Variants in PATJ observed in about 807,000 individuals in gnomAD.
The protein encoded by PATJ is PATJ crumbs cell polarity complex component, also known as inaD-like protein.
A neutral mutation model predicts 224.9 loss-of-function variants in PATJ; 190 were observed. That is an observed-to-expected ratio of 0.84 (90% CI 0.75 to 0.95). PATJ has a LOEUF of 0.95. PATJ is among the 40% of genes least tolerant of loss of function. PATJ has a pLI of 0.00. For missense variants in PATJ, 2,121 were observed against 2,270.3 expected, an observed-to-expected ratio of 0.93 and a Z score of 1.34; for synonymous variants, 769 against 820.3, an observed-to-expected ratio of 0.94 and a Z score of 1.07.
chr1:61,859,333 C>T (rs550760312), intron 18 of PATJ, among the ~76,000 whole-genome samples: 1 of 152,214 alleles, frequency 6.6e-6, no homozygotes, highest in African/African-American at 2.4e-5. Context: ...CCCAGGCCTC[C>T]CTCAGTGAGT....
intron 17 of PATJ, 21 bp from the exon 18 acceptor site, chr1:61,856,006 CCTT>C (rs774182541): frequency 9.5e-6 from 15 of 1,579,478 alleles, no homozygotes; most frequent in African/African-American, 1.3e-5. Context: ...ATGGACTCAT[CCTT>C]CTTCTTTGCT....
intron 15 of PATJ, among the ~76,000 whole-genome samples, chr1:61,824,073 C>G (rs565844694): frequency 6.6e-6 from 1 of 152,220 alleles, no homozygotes; most frequent in South Asian, 2.1e-4. Context: ...CTTTTTGACC[C>G]AGCTTCTTAT....
At chr1:61,951,333 T>C (rs1679642476) in intron 27 of PATJ, among the ~76,000 whole-genome samples, 1 of 152,216 alleles carries the variant, frequency 6.6e-6, no homozygotes, top group South Asian at 2.1e-4. Flanking sequence ...ATTATAACTG[T>C]AAATTAAAAA....
rs1558209518 is a variant in PATJ, at chr1:62,128,904, G to A, written c.5230G>A (p.Val1744Ile). The A allele has an allele frequency of 2.5e-6, 4 of 1,613,390 alleles. No individual in the cohort carries two copies. The highest frequency in any genetic ancestry group is 3.4e-6 in the Non-Finnish European group (4 of 1,179,508). The change falls in exon 41 of 44, where the codon GTT becomes ATT. Residue 1744 changes from valine (V) to isoleucine (I), a missense_variant. Transcript: ENST00000642238. ...GGATGGGCTGTCTCACGCGGATGTG[G>A]TTAATCTGCTGAAGAACGCCTACGG... ...PLDGLSHADV[V>I]NLLKNAYGRI...
In PATJ at chr1:62,131,662, A is replaced by C. The variant is rs76338271; in HGVS notation, c.5271+2717A>C. ...AGACTCCGTCTCAAAAAAAAAAGGC[A>C]CATAGAAACTAGCTGCTCGGAGGAT... On this transcript the variant is annotated intron_variant, in intron 41 of 43. Coordinates refer to ENST00000642238, the MANE Select transcript of PATJ (RefSeq NM_001350145.3). 6.2e-3 allele frequency among the ~76,000 whole-genome samples: 943 copies of C among 151,912 alleles called. 12 individuals carry two copies. The highest frequency in any genetic ancestry group is 0.022 in the African/African-American group (898 of 41,458).
At chr1:61,999,379 A>G (rs1260857379) in intron 28 of PATJ, among the ~76,000 whole-genome samples, 3 of 152,094 alleles carry the variant, frequency 2.0e-5, no homozygotes. Flanking sequence ...ATTTTACTTT[A>G]TTTGTATATT....
intron 17 of PATJ, among the ~76,000 whole-genome samples, chr1:61,850,729 A>G (rs1001050961): frequency 6.6e-6 from 1 of 152,210 alleles, no homozygotes; most frequent in Non-Finnish European, 1.5e-5. Context: ...TCTGCCATTT[A>G]CCAGCCATGT....
chr1:61,787,432 C>A (rs1462675770), intron 7 of PATJ, among the ~76,000 whole-genome samples: 1 of 152,228 alleles, frequency 6.6e-6, no homozygotes, highest in Non-Finnish European at 1.5e-5. Context: ...CTTCTTGAGG[C>A]CCTGGCCTTT....
rs191958334 is a variant in PATJ at position 61,870,978 on chromosome 1, A to G, written c.2836-4265A>G. Among the ~76,000 whole-genome samples, 309 of 151,632 alleles carry G rather than the reference A, an allele frequency of 2.0e-3. 2 individuals carry two copies. The highest frequency in any genetic ancestry group is 7.2e-3 in the African/African-American group (297 of 41,410). ...ATCCTAACAATTAGTGATATTGAGC[A>G]TCCTTTCATGTGCTTATTTGGCCAT... is the stretch of plus-strand genomic sequence containing the variant. On this transcript the variant is annotated intron_variant, in intron 20 of 43. Coordinates refer to ENST00000642238, the MANE Select transcript of PATJ (RefSeq NM_001350145.3).
At chr1:61,813,358 TATATATATATATATATATATACACAC>T (rs1215910312) in intron 14 of PATJ, among the ~76,000 whole-genome samples, 7 of 53,006 alleles carry the variant, frequency 1.3e-4, no homozygotes, top group African/African-American at 3.6e-4. Context: ...TATATATATA[TATATATATATATATATATATACACAC>T]ACACACACAC....
At chr1:61,777,777 A>G (rs185856879) in intron 7 of PATJ, among the ~76,000 whole-genome samples, 57 of 129,270 alleles carry the variant, frequency 4.4e-4, no homozygotes, top group African/African-American at 1.6e-3. Context: ...GCGTGATCCT[A>G]TCTCACTGCA....
chr1:62,029,445 A>G (rs747016763), intron 29 of PATJ, among the ~76,000 whole-genome samples: 1 of 152,152 alleles, frequency 6.6e-6, no homozygotes, highest in Non-Finnish European at 1.5e-5. Context: ...TTTCGAGTTT[A>G]TATTAGAGTA....
intron 17 of PATJ, among the ~76,000 whole-genome samples, chr1:61,840,997 AT>A (rs1339617829): frequency 2.0e-5 from 3 of 152,100 alleles, no homozygotes; most frequent in African/African-American, 7.2e-5. Context: ...GTTTTCTATG[AT>A]GTGGACAGAT....
In PATJ at chr1:62,029,700, C is replaced by A. The variant is rs535656669; in HGVS notation, c.3960-8277C>A. On this transcript the variant is annotated intron_variant, in intron 29 of 43. Coordinates refer to ENST00000642238, the MANE Select transcript of PATJ (RefSeq NM_001350145.3). The stretch of plus-strand genomic sequence containing the variant: ...CAGTTTAGAAATTCAAAGGAGCAAG[C>A]GATTGCTGTTGGAGAAGTGGGTACA... Among the ~76,000 whole-genome samples, 5 of 152,194 alleles carry A rather than the reference C, an allele frequency of 3.3e-5. 1 individual carries two copies. Among genetic ancestry groups the A allele is most frequent in the Admixed American group, 1.3e-4 (2 of 15,280 alleles).
chr1:61,959,533 C>G (rs1288259802), intron 27 of PATJ, among the ~76,000 whole-genome samples: 3 of 150,014 alleles, frequency 2.0e-5, no homozygotes, highest in East Asian at 2.0e-4. Flanking sequence ...CCACCAGGCT[C>G]AAGCGATCCT....
At chr1:61,763,292 C>T in intron 3 of PATJ, 113 bp downstream of exon 3, 1 of 555,982 alleles carries the variant, frequency 1.8e-6, no homozygotes, top group East Asian at 3.3e-5. Context: ...CTCAGTTCAG[C>T]AAAGAGACTG....
intron 20 of PATJ, among the ~76,000 whole-genome samples, chr1:61,871,399 A>ATGTGTATATATATATATG (rs1553185872): frequency 2.2e-5 from 2 of 92,978 alleles, no homozygotes; most frequent in Non-Finnish European, 4.4e-5. Context: ...ATATATATAT[A>ATGTGTATATATATATATG]TGTGTATATA....
rs557983749 is a variant in PATJ at position 62,118,155 on chromosome 1, A to G, written c.4890+937A>G. On this transcript the variant is annotated intron_variant, in intron 37 of 43. Transcript: ENST00000642238. ...GCTTGTCTTAGGGAATCTTCAAAGC[A>G]GTCAAACCCAATAAACACCATATTA... is the stretch of plus-strand genomic sequence containing the variant. Among the ~76,000 whole-genome samples the G allele has an allele frequency of 3.9e-5, 6 of 152,054 alleles. No homozygotes were observed. The East Asian group carries it at 7.7e-4, about 20-fold the overall frequency.
intron 21 of PATJ, among the ~76,000 whole-genome samples, chr1:61,876,935 A>G (rs1316690338): frequency 6.6e-6 from 1 of 152,232 alleles, no homozygotes; most frequent in Non-Finnish European, 1.5e-5. Flanking sequence ...ATAATTAATA[A>G]TGTAATTATT....
Sources: allele counts gnomAD v4.1 joint callset (sites outside exome capture counted in the v4.1 genomes callset), GRCh38; gene constraint gnomAD v4.1.1; transcripts MANE v1.5; gene names NCBI Gene and HGNC (gene_info 2026-07-23, HGNC 2026-07-21).